The following CPS1 variants were observed in gnomAD, a reference collection of about 807,000 sequenced individuals.
CPS1 encodes carbamoyl-phosphate synthase 1, also known as carbamoyl-phosphate synthase [ammonia], mitochondrial.
Under a neutral mutation model 174.6 loss-of-function variants are expected in CPS1, and 109 were observed. The observed-to-expected ratio is 0.62, with a 90% CI of 0.53 to 0.73. The LOEUF (loss-of-function observed/expected upper bound fraction) is 0.73, where lower values mean the gene tolerates loss of function less well. CPS1 is among the 30% of genes least tolerant of loss of function. CPS1 has a pLI of 0.00. For missense variants in CPS1, 1,689 were observed against 1,821.9 expected (o/e 0.93, Z 1.33); for synonymous variants, 637 against 632.0 (o/e 1.01, Z -0.12).
intron 1 of CPS1, among the ~76,000 whole-genome samples, chr2:210,498,349 C>T (rs1412470160): frequency 6.6e-6 from 1 of 151,902 alleles, no homozygotes; most frequent in Non-Finnish European, 1.5e-5. Context: ...AGTAGTTCTC[C>T]TTGTAGAAAT....
chr2:210,594,723 T>C, intron 12 of CPS1, 117 bp downstream of exon 12: 1 of 740,620 alleles, frequency 1.4e-6, no homozygotes, highest in Non-Finnish European at 2.4e-6. Context: ...TGACTGGTAA[T>C]ATTGTAATAG....
At chr2:210,613,233 A>G (rs1225355389) in intron 20 of CPS1, among the ~76,000 whole-genome samples, 2 of 151,980 alleles carry the variant, frequency 1.3e-5, no homozygotes, top group African/African-American at 2.4e-5. Flanking sequence ...TTTTGAACTC[A>G]TCGCAACTTT....
chr2:210,580,942 A>G (rs1574549463), intron 5 of CPS1, among the ~76,000 whole-genome samples: 1 of 152,030 alleles, frequency 6.6e-6, no homozygotes, highest in Non-Finnish European at 1.5e-5. Context: ...ATATACATAT[A>G]TATATTGACA....
intron 27 of CPS1, 59 bp from the exon 28 acceptor site, chr2:210,650,304 C>T (rs1559127346): frequency 1.5e-6 from 2 of 1,370,428 alleles, no homozygotes; most frequent in Non-Finnish European, 1.0e-6. Context: ...GTTCTGAGAA[C>T]CAGTCAAGTC....
intron 1 of CPS1, among the ~76,000 whole-genome samples, chr2:210,542,797 C>G (rs564848542): frequency 6.6e-6 from 1 of 152,048 alleles, no homozygotes; most frequent in Non-Finnish European, 1.5e-5. Context: ...TTTCACTTAG[C>G]TGCTTTTCTT....
intron 19 of CPS1, among the ~76,000 whole-genome samples, chr2:210,609,184 A>G (rs951158130): frequency 2.0e-5 from 3 of 151,992 alleles, no homozygotes; most frequent in African/African-American, 7.2e-5. Context: ...CTGTTATACT[A>G]TTTGAAATTA....
chr2:210,553,057 G>A (rs923783127), upstream of CPS1, among the ~76,000 whole-genome samples: 3 of 151,656 alleles, frequency 2.0e-5, no homozygotes, highest in Admixed American at 6.6e-5. Context: ...AATCAAATAT[G>A]GCAATATTGA....
intron 1 of CPS1, among the ~76,000 whole-genome samples, chr2:210,514,256 C>T (rs1290624062): frequency 6.6e-6 from 1 of 151,978 alleles, no homozygotes; most frequent in Non-Finnish European, 1.5e-5. Context: ...AGTGTTGAAT[C>T]TGTAGCTTGC....
At position 210,670,838 on chromosome 2, in the gene CPS1, G is replaced by A. The variant is rs187056018; in HGVS notation, c.4101+2554G>A. On this transcript the variant is annotated intron_variant, in intron 34 of 37. Coordinates refer to ENST00000233072, the MANE Select transcript of CPS1 (RefSeq NM_001875.5). ...CCAAAGTTAAATCCAATAGGTCAAA[G>A]TATCTGGGAAGTTTGAAATATTCAT... is the stretch of plus-strand genomic sequence containing the variant. Among the ~76,000 whole-genome samples the A allele has an allele frequency of 1.7e-3, 256 of 152,198 alleles. 1 individual carries two copies. Among genetic ancestry groups the A allele is most frequent in the African/African-American group, 5.7e-3 (236 of 41,546 alleles).
At position 210,582,642 on chromosome 2, in the gene CPS1, T is replaced by G; in HGVS notation, c.554T>G (p.Phe185Cys). ...GGTACCATGCTTGGGAAGATTGAAT[T>G]TGAAGGTCAGCCTGTGGATTTTGTG... ...DKGTMLGKIE[F>C]EGQPVDFVDP... Residue 185 changes from phenylalanine (F) to cysteine (C), a missense_variant, in exon 6 of 38, where the codon TTT (phenylalanine) becomes TGT (cysteine). Phe to Cys is a radical substitution (Grantham distance 205). Coordinates refer to ENST00000233072, the MANE Select transcript of CPS1 (RefSeq NM_001875.5). The G allele has an allele frequency of 6.2e-7, 1 of 1,613,366 alleles. No homozygotes were observed. The highest frequency in any genetic ancestry group is 8.5e-7 in the Non-Finnish European group (1 of 1,179,476).
chr2:210,660,344 A>G, intron 31 of CPS1, 141 bp from the exon 32 acceptor site: 1 of 816,090 alleles, frequency 1.2e-6, no homozygotes, highest in Non-Finnish European at 2.1e-6. Context: ...TCCAAGCAGT[A>G]AGGAGAAAAG....
chr2:210,532,403 T>C (rs1413120189), intron 1 of CPS1, among the ~76,000 whole-genome samples: 1 of 152,208 alleles, frequency 6.6e-6, no homozygotes. Context: ...AATGGCTTTA[T>C]ACTTAGCAGT....
intron 22 of CPS1, among the ~76,000 whole-genome samples, chr2:210,638,122 T>C (rs1439246163): frequency 1.3e-5 from 2 of 152,202 alleles, no homozygotes; most frequent in Admixed American, 1.3e-4. Flanking sequence ...ATTTAAACTC[T>C]CCTCTGCTTT....
Position 210,660,804 on chromosome 2 carries a change from T to C in CPS1, c.3927+149T>C, listed in dbSNP as rs113202402. Reference sequence around the variant, plus strand: ...ATTTCCTTTCAATAATGTACTGCAGTTGTACTATAGGCAACTTTATGTGAA... The same window carrying C: ...ATTTCCTTTCAATAATGTACTGCAGCTGTACTATAGGCAACTTTATGTGAA... On this transcript the variant is annotated intron_variant, in intron 32 of 37. Coordinates refer to ENST00000233072, the MANE Select transcript of CPS1 (RefSeq NM_001875.5). 1,344 of 824,482 alleles carry C rather than the reference T, an allele frequency of 1.6e-3. 17 individuals are homozygous for C. The African/African-American group carries it at 0.02, about 12-fold the overall frequency. 51.1% of individuals were successfully genotyped at this position (824,482 alleles called of 1,614,324 possible).
chr2:210,480,434 G>GT (rs1392120432), intron 1 of CPS1, among the ~76,000 whole-genome samples: 1 of 152,236 alleles, frequency 6.6e-6, no homozygotes, highest in Non-Finnish European at 1.5e-5. Flanking sequence ...CATGATGGCA[G>GT]TTTTAGTAAC....
intron 21 of CPS1, among the ~76,000 whole-genome samples, chr2:210,636,267 T>C (rs904079572): frequency 1.3e-5 from 2 of 152,108 alleles, no homozygotes; most frequent in African/African-American, 4.8e-5. Flanking sequence ...TTTGCATGCA[T>C]TTTGAAATCT....
chr2:210,489,781 G>A (rs1202132046), intron 1 of CPS1, among the ~76,000 whole-genome samples: 3 of 151,886 alleles, frequency 2.0e-5, no homozygotes, highest in Non-Finnish European at 4.4e-5. Flanking sequence ...GGCAGATCAC[G>A]AGGTCAGGAG....
At chr2:210,551,781 TA>T (rs1478870186), upstream of CPS1, among the ~76,000 whole-genome samples, 1 of 152,014 alleles carries the variant, frequency 6.6e-6, no homozygotes, top group African/African-American at 2.4e-5. Flanking sequence ...TCTTAATGAA[TA>T]GGTTTTACTT....
chr2:210,559,839 A>T (rs1697041178), intron 1 of CPS1, among the ~76,000 whole-genome samples: 1 of 152,120 alleles, frequency 6.6e-6, no homozygotes. Context: ...AAATTATGTG[A>T]TTGTCACACA....
Sources: allele counts gnomAD v4.1 joint callset (sites outside exome capture counted in the v4.1 genomes callset), GRCh38; gene constraint gnomAD v4.1.1; transcripts MANE v1.5; gene names NCBI Gene and HGNC (gene_info 2026-07-23, HGNC 2026-07-21).